The following FRMD4A variants were observed in gnomAD, a reference collection of about 807,000 sequenced individuals.
FRMD4A encodes FERM domain containing 4A, also known as FERM domain-containing protein 4A.
In FRMD4A, 29 loss-of-function variants were observed where a neutral mutation model predicts 129.1. The ratio of observed to expected loss-of-function variants is 0.22; its 90% CI spans 0.17 to 0.31. The LOEUF is 0.31. Among genes scored for constraint, FRMD4A ranks in the 10% least tolerant of loss-of-function variants. FRMD4A has a pLI of 1.00. For synonymous variants in FRMD4A, 634 were observed against 571.6 expected (o/e 1.11, Z -1.56); for missense variants, 1,272 against 1,375.8 (o/e 0.92, Z 1.19).
Position 14,303,709 on chromosome 10 carries a change from G to T in FRMD4A, c.45+26349C>A, listed in dbSNP as rs147296488. Among the ~76,000 whole-genome samples, 243 of 152,226 alleles carry T rather than the reference G, an allele frequency of 1.6e-3. 5 individuals are homozygous for T. Among genetic ancestry groups the T allele is most frequent in the East Asian group, 4.4e-3 (23 of 5,182 alleles). The stretch of plus-strand genomic sequence containing the variant: ...GACTTCAAAGTAAAAGGAGGTAGAG[G>T]AGTTAGGGGAGTCTGGTATATGGCA... On this transcript the variant is annotated intron_variant, in intron 2 of 24. Coordinates refer to ENST00000357447, the MANE Select transcript of FRMD4A (RefSeq NM_018027.5).
chr10:13,884,144 T>TCA (rs773933481), intron 2 of FRMD4A, among the ~76,000 whole-genome samples: 2,640 of 104,834 alleles, frequency 0.025, 78 homozygotes, highest in African/African-American at 0.052. Flanking sequence ...TCACACACAC[T>TCA]CTCACACACT....
chr10:14,089,634 A>AC (rs1192402661), intron 2 of FRMD4A, among the ~76,000 whole-genome samples: 35 of 143,404 alleles, frequency 2.4e-4, no homozygotes, highest in African/African-American at 8.7e-4. Context: ...AAAAAACAAA[A>AC]AAAAACAAAC....
At chr10:14,202,628 T>C (rs888928260) in intron 2 of FRMD4A, among the ~76,000 whole-genome samples, 2 of 152,124 alleles carry the variant, frequency 1.3e-5, no homozygotes, top group Non-Finnish European at 2.9e-5. Flanking sequence ...CTCGAACTCC[T>C]GACCTCAAGT....
chr10:13,700,194 T>C (rs2086663833), intron 14 of FRMD4A, among the ~76,000 whole-genome samples: 1 of 151,912 alleles, frequency 6.6e-6, no homozygotes, highest in Admixed American at 6.6e-5. Context: ...GTGATCCTCC[T>C]GCCTTGGCCT....
At chr10:14,171,117 A>G (rs758500399) in intron 2 of FRMD4A, among the ~76,000 whole-genome samples, 44 of 151,994 alleles carry the variant, frequency 2.9e-4, no homozygotes, top group Non-Finnish European at 4.6e-4. Context: ...TTAAAAATCT[A>G]ACTAAAAGGA....
intron 2 of FRMD4A, among the ~76,000 whole-genome samples, chr10:14,132,539 C>A (rs1276295103): frequency 6.6e-6 from 1 of 152,102 alleles, no homozygotes; most frequent in Non-Finnish European, 1.5e-5. Context: ...TTGTTCCCCA[C>A]GTGTACCTGG....
intron 2 of FRMD4A, among the ~76,000 whole-genome samples, chr10:14,249,369 G>C (rs376304596): frequency 5.4e-5 from 8 of 148,130 alleles, no homozygotes; most frequent in African/African-American, 7.7e-5. Flanking sequence ...AAAAAAGAAA[G>C]AAACAAATAG....
intron 2 of FRMD4A, among the ~76,000 whole-genome samples, chr10:13,929,686 T>C (rs1457394437): frequency 2.6e-5 from 4 of 152,236 alleles, no homozygotes; most frequent in Non-Finnish European, 5.9e-5. Flanking sequence ...CATTCCCGAA[T>C]ATTAACTTAG....
At position 14,321,082 on chromosome 10, in the gene FRMD4A, T is replaced by C. The variant is rs958040630; in HGVS notation, c.45+8976A>G. On this transcript the variant is annotated intron_variant, in intron 2 of 24. Coordinates refer to ENST00000357447, the MANE Select transcript of FRMD4A (RefSeq NM_018027.5). ...TATTTTTATTTTTATTTTTGTCTTT[T>C]CCCAGGAGAGTGTAAGCTTGATGAC... is the stretch of plus-strand genomic sequence containing the variant. Among the ~76,000 whole-genome samples, 20 of 152,304 alleles carry C rather than the reference T, an allele frequency of 1.3e-4. No homozygotes were observed. In the South Asian group the frequency reaches 4.1e-3, roughly 32 times the overall value.
rs192724290 is a variant in FRMD4A at position 13,858,427 on chromosome 10, C to G, written c.111+420G>C. Among the ~76,000 whole-genome samples, 1,168 of 152,266 alleles carry G rather than the reference C, an allele frequency of 7.7e-3. 10 individuals are homozygous for G. Among genetic ancestry groups the G allele is most frequent in the Non-Finnish European group, 0.011 (730 of 68,018 alleles). On this transcript the variant is annotated intron_variant, in intron 3 of 24. Transcript: ENST00000357447. ...TTCAGTCTGGGCAACAAGAGCGAGA[C>G]TCTGTCTCAAAACAAAACAAAACAA...
At chr10:13,776,518 C>T (rs1304330759) in intron 6 of FRMD4A, among the ~76,000 whole-genome samples, 1 of 152,182 alleles carries the variant, frequency 6.6e-6, no homozygotes, top group Non-Finnish European at 1.5e-5. Context: ...CTAGAAGAAA[C>T]AGCTAAAACT....
intron 2 of FRMD4A, among the ~76,000 whole-genome samples, chr10:13,934,799 A>G (rs2095234689): frequency 6.6e-6 from 1 of 152,220 alleles, no homozygotes; most frequent in Non-Finnish European, 1.5e-5. Flanking sequence ...TATGAAGAGA[A>G]CCATGTGTTG....
Position 13,782,957 on chromosome 10 carries a change from G to T in FRMD4A, c.349C>A (p.Leu117Ile). 1 of 1,523,270 alleles carries T rather than the reference G, an allele frequency of 6.6e-7. No homozygotes were observed. Among genetic ancestry groups the T allele is most frequent in the Non-Finnish European group, 9.1e-7 (1 of 1,096,998 alleles). 94.4% of individuals were successfully genotyped at this position (1,523,270 alleles called of 1,614,324 possible). A position where few individuals can be genotyped will look rare whatever the true frequency, so the allele number is the denominator to read the frequency against. ...SYLKDNATIE[L>I]FFLNAKSCIY... ...CAGGACTTCGCGTTCAGAAAGAAAA[G>T]CTCAATGGTAGCATTATCCTTCAGG... Residue 117 changes from leucine to isoleucine, a missense_variant, in exon 6 of 25, where the codon CTT (leucine) becomes ATT (isoleucine). Leu to Ile is a conservative substitution (Grantham distance 5, BLOSUM62 2). Around this residue, in one of 2 missense-constraint regions of FRMD4A, gnomAD observed 300 missense variants for 483.6 expected, o/e 0.62. Transcript: ENST00000357447.
At chr10:14,275,139 T>C (rs1048589331) in intron 2 of FRMD4A, among the ~76,000 whole-genome samples, 2 of 152,192 alleles carry the variant, frequency 1.3e-5, no homozygotes, top group Non-Finnish European at 2.9e-5. Flanking sequence ...TGAATTCTCC[T>C]GGGTGTCAGG....
chr10:13,659,947 T>C (rs2082501748), intron 20 of FRMD4A, among the ~76,000 whole-genome samples: 1 of 152,160 alleles, frequency 6.6e-6, no homozygotes, highest in Admixed American at 6.5e-5. Flanking sequence ...GGCTGGAGAA[T>C]TCTGCTGGAT....
At chr10:14,129,402 ATATAT>A (rs1839116462) in intron 2 of FRMD4A, among the ~76,000 whole-genome samples, 1 of 129,628 alleles carries the variant, frequency 7.7e-6, no homozygotes, top group Non-Finnish European at 1.6e-5. Flanking sequence ...ATATATATAT[ATATAT>A]AAAAAATATG....
intron 3 of FRMD4A, among the ~76,000 whole-genome samples, chr10:13,856,013 A>ACTATCTAT (rs67479789): frequency 1.5e-3 from 216 of 147,948 alleles, no homozygotes; most frequent in East Asian, 2.6e-3. Flanking sequence ...ACACACAAAT[A>ACTATCTAT]CTATCTATCT....
chr10:13,702,349 C>T (rs2086913623), intron 13 of FRMD4A, among the ~76,000 whole-genome samples: 1 of 152,196 alleles, frequency 6.6e-6, no homozygotes, highest in Non-Finnish European at 1.5e-5. Context: ...CAGGCATGAG[C>T]CACCGCACCT....
chr10:13,730,731 T>A (rs2090259885), intron 12 of FRMD4A, among the ~76,000 whole-genome samples: 1 of 151,826 alleles, frequency 6.6e-6, no homozygotes, highest in African/African-American at 2.4e-5. Context: ...TTTGTTTTTT[T>A]GGCTGGGCAC....
Sources: gnomAD v4.1 joint callset for allele counts (sites outside exome capture counted in the v4.1 genomes callset) on GRCh38, gnomAD v4.1.1 for gene constraint, gnomAD v4.1.1 regional missense constraint, MANE v1.5 for transcripts, NCBI Gene and HGNC (gene_info 2026-07-23, HGNC 2026-07-21) for gene names.